Variants in BBX observed in about 807,000 individuals in gnomAD.
BBX encodes BBX high mobility group box domain containing.
Under a neutral mutation model 100.2 loss-of-function variants are expected in BBX, and 30 were observed. The observed-to-expected ratio is 0.30, with a 90% CI of 0.22 to 0.41. The LOEUF is 0.41. Among genes scored for constraint, BBX ranks in the 10% least tolerant of loss-of-function variants. The pLI is 1.00. For missense variants in BBX, 1,023 were observed against 1,129.8 expected (o/e 0.91, Z 1.35); for synonymous variants, 376 against 388.1 (o/e 0.97, Z 0.37).
At chr3:107,574,900 C>G (rs1306380770) in intron 2 of BBX, among the ~76,000 whole-genome samples, 2 of 152,164 alleles carry the variant, frequency 1.3e-5, no homozygotes, top group African/African-American at 4.8e-5. Flanking sequence ...TTGTTACTGT[C>G]CAAGTGTCCA....
At chr3:107,728,992 T>C in intron 6 of BBX, 32 bp downstream of exon 6, 1 of 1,601,656 alleles carries the variant, frequency 6.2e-7, no homozygotes, top group Non-Finnish European at 8.5e-7. Flanking sequence ...ACCTATTCTT[T>C]AAGGACAGGG....
chr3:107,710,519 G>C lies in BBX; in HGVS notation c.59G>C (p.Arg20Pro), dbSNP rs765761541. The C allele has an allele frequency of 6.2e-7, 1 of 1,613,654 alleles. No homozygotes were observed. Among genetic ancestry groups the C allele is most frequent in the South Asian group, 1.1e-5 (1 of 91,022 alleles). ...HSAEGEGVGK[R>P]PKRKCLQWHP... ...GCAGAAGGAGAAGGGGTTGGAAAAC[G>C]ACCAAAACGAAAGTGTCTTCAGTGG... Residue 20 changes from arginine to proline, a missense_variant, in exon 4 of 18, where the codon CGA (arginine) becomes CCA (proline). By Grantham distance (103) the Arg-to-Pro change is moderately radical. Transcript: ENST00000325805.
intron 3 of BBX, among the ~76,000 whole-genome samples, chr3:107,652,512 C>T (rs538073368): frequency 6.6e-6 from 1 of 152,152 alleles, no homozygotes; most frequent in Non-Finnish European, 1.5e-5. Flanking sequence ...TGAAATGACT[C>T]AAACTCAAAA....
At chr3:107,802,543 T>C (rs190510059) in intron 17 of BBX, among the ~76,000 whole-genome samples, 1 of 152,334 alleles carries the variant, frequency 6.6e-6, no homozygotes, top group Admixed American at 6.5e-5. Flanking sequence ...ACTTAAAATA[T>C]CTGCCTGAAT....
chr3:107,684,630 C>T (rs1216071767), intron 3 of BBX: 1 of 152,186 alleles, frequency 6.6e-6, no homozygotes, highest in Non-Finnish European at 1.5e-5. Context: ...TGAAAACTCA[C>T]ATGACTGAAT....
chr3:107,634,046 C>T (rs1009736128), intron 2 of BBX, among the ~76,000 whole-genome samples: 6 of 152,190 alleles, frequency 3.9e-5, no homozygotes, highest in African/African-American at 1.4e-4. Context: ...ACTTCACATG[C>T]TTTTCAGTTA....
chr3:107,596,149 G>A (rs2053654397), intron 2 of BBX, among the ~76,000 whole-genome samples: 1 of 152,082 alleles, frequency 6.6e-6, no homozygotes, highest in Admixed American at 6.6e-5. Context: ...GTATTTTATA[G>A]ACAGCACACT....
intron 7 of BBX, among the ~76,000 whole-genome samples, chr3:107,740,604 C>T (rs1576587509): frequency 6.6e-6 from 1 of 152,090 alleles, no homozygotes; most frequent in Non-Finnish European, 1.5e-5. Flanking sequence ...TTTCAAACTT[C>T]TTCATGTAGA....
chr3:107,792,507 A>G (rs760298889), intron 15 of BBX, among the ~76,000 whole-genome samples: 32 of 152,254 alleles, frequency 2.1e-4, no homozygotes, highest in Non-Finnish European at 3.5e-4. Context: ...CATGTTAAAC[A>G]TAAGTATTTT....
chr3:107,718,193 TTAG>T (rs2062245807), intron 5 of BBX, among the ~76,000 whole-genome samples: 2 of 147,996 alleles, frequency 1.4e-5, no homozygotes, highest in Non-Finnish European at 3.0e-5. Context: ...ATTAATTATA[TTAG>T]TATTTATAAT....
At chr3:107,662,966 A>G (rs1007014981) in intron 3 of BBX, 1 of 152,222 alleles carries the variant, frequency 6.6e-6, no homozygotes, top group African/African-American at 2.4e-5. Flanking sequence ...TTTAAAAGTA[A>G]GAATGCTATA....
intron 2 of BBX, among the ~76,000 whole-genome samples, chr3:107,602,375 T>C (rs2054126473): frequency 6.6e-6 from 1 of 152,208 alleles, no homozygotes; most frequent in African/African-American, 2.4e-5. Context: ...GGCATAGTCA[T>C]TGAAAACCTT....
At chr3:107,539,190 T>A (rs1052477628) in intron 2 of BBX, among the ~76,000 whole-genome samples, 5 of 152,054 alleles carry the variant, frequency 3.3e-5, no homozygotes, top group Non-Finnish European at 7.4e-5. Flanking sequence ...ATTATCTTTA[T>A]TTTTTGCAAC....
At chr3:107,582,093 C>T (rs898099508) in intron 2 of BBX, among the ~76,000 whole-genome samples, 4 of 151,912 alleles carry the variant, frequency 2.6e-5, no homozygotes, top group African/African-American at 9.7e-5. Context: ...CTTGCTAGGG[C>T]ATCCAATTTT....
chr3:107,700,291 A>G (rs931059225), intron 3 of BBX, among the ~76,000 whole-genome samples: 1 of 151,692 alleles, frequency 6.6e-6, no homozygotes, highest in Non-Finnish European at 1.5e-5. Context: ...CTACCTTTGA[A>G]AGAAAACAGA....
chr3:107,549,900 A>AAGGAAAG (rs1302984714), intron 2 of BBX, among the ~76,000 whole-genome samples: 18 of 149,984 alleles, frequency 1.2e-4, no homozygotes, highest in Middle Eastern at 3.4e-3. Context: ...TACTGAATGG[A>AAGGAAAG]AGGAAAGGTG....
chr3:107,582,694 A>G (rs1312070902), intron 2 of BBX, among the ~76,000 whole-genome samples: 1 of 152,098 alleles, frequency 6.6e-6, no homozygotes, highest in Non-Finnish European at 1.5e-5. Context: ...ATTGATGGGA[A>G]TATAATGTAG....
chr3:107,791,090 C>A, intron 14 of BBX, 150 bp from the exon 15 acceptor site: 1 of 574,668 alleles, frequency 1.7e-6, no homozygotes, highest in Non-Finnish European at 3.1e-6. Flanking sequence ...TGGCAAATAC[C>A]ATTTTAAGAA....
At chr3:107,744,731 C>T in intron 8 of BBX, 21 bp downstream of exon 8, 2 of 1,587,546 alleles carry the variant, frequency 1.3e-6, no homozygotes, top group Non-Finnish European at 1.7e-6. Flanking sequence ...ACAATTGATA[C>T]TTAACTAATG....
Sources: allele counts gnomAD v4.1 joint callset (sites outside exome capture counted in the v4.1 genomes callset), GRCh38; gene constraint gnomAD v4.1.1; transcripts MANE v1.5; gene names NCBI Gene and HGNC (gene_info 2026-07-23, HGNC 2026-07-21).